The following ANO2 variants were observed in gnomAD, a reference collection of about 807,000 sequenced individuals.
ANO2 encodes anoctamin-2.
In ANO2, 101 loss-of-function variants were observed where a neutral mutation model predicts 124.2. The ratio of observed to expected loss-of-function variants is 0.81; its 90% CI spans 0.69 to 0.96. The LOEUF is 0.96. Among genes scored for constraint, ANO2 ranks in the 40% least tolerant of loss-of-function variants. The pLI is 0.00. For missense variants in ANO2, 1,293 were observed against 1,274.5 expected (o/e 1.01, Z -0.22); for synonymous variants, 486 against 482.5 (o/e 1.01, Z -0.09).
In ANO2 at chr12:5,599,648, A is replaced by G; in HGVS notation, c.2088-19T>C. The stretch of plus-strand genomic sequence containing the variant: ...TAGCTTCCTGGAAAAGAAATGGATT[A>G]AGTTACAAAAAGCCTCTGGAGAACA... On this transcript the variant is annotated intron_variant, in intron 19 of 24. Transcript: ENST00000682330. The G allele has an allele frequency of 6.2e-7, 1 of 1,612,342 alleles. No homozygotes were observed. The highest frequency in any genetic ancestry group is 8.5e-7 in the Non-Finnish European group (1 of 1,179,496).
In ANO2 at chr12:5,627,438, G is replaced by A. The variant is rs550328017; in HGVS notation, c.1816+7714C>T. On this transcript the variant is annotated intron_variant, in intron 16 of 24. Coordinates refer to ENST00000682330, the MANE Select transcript of ANO2 (RefSeq NM_001364791.2). ...GTGGCGTCCCCGCAGAGAGGCATAG[G>A]CCCCATTCCCCTCTGCAGCCCACGC... 2.6e-5 allele frequency among the ~76,000 whole-genome samples: 4 copies of A among 152,290 alleles called. No homozygotes were observed. The South Asian group carries it at 8.3e-4, about 32-fold the overall frequency.
At chr12:5,690,491 C>T (rs1948883024) in intron 14 of ANO2, among the ~76,000 whole-genome samples, 1 of 152,188 alleles carries the variant, frequency 6.6e-6, no homozygotes, top group Admixed American at 6.5e-5. Context: ...TCCTGAAAGT[C>T]AGCATCCTCA....
At chr12:5,590,589 G>A (rs958331701) in intron 20 of ANO2, among the ~76,000 whole-genome samples, 7 of 152,176 alleles carry the variant, frequency 4.6e-5, no homozygotes, top group Non-Finnish European at 1.0e-4. Flanking sequence ...GGCAGTAAGC[G>A]GGAGAAGAGC....
chr12:5,639,228 G>A (rs987989616), intron 15 of ANO2, among the ~76,000 whole-genome samples: 1 of 152,276 alleles, frequency 6.6e-6, no homozygotes, highest in South Asian at 2.1e-4. Context: ...CATGGCACAC[G>A]ATAGTAGCTC....
Position 5,577,935 on chromosome 12 carries a change from T to C in ANO2, c.2439+20A>G, listed in dbSNP as rs761254787. ...AAGCCCTTCCCACAGAGCGAGTGTG[T>C]CATGAATGCAAGTACTTACGTTGCT... On this transcript the variant is annotated intron_variant, in intron 22 of 24. Transcript: ENST00000682330. 6.2e-7 allele frequency: 1 copy of C among 1,611,344 alleles called. No individual in the cohort carries two copies. The highest frequency in any genetic ancestry group is 1.1e-5 in the South Asian group (1 of 90,818).
chr12:5,619,035 A>G (rs1944977369), intron 16 of ANO2, among the ~76,000 whole-genome samples: 1 of 152,230 alleles, frequency 6.6e-6, no homozygotes, highest in African/African-American at 2.4e-5. Context: ...GACTGCTCTT[A>G]CTGGTGCATT....
intron 4 of ANO2, among the ~76,000 whole-genome samples, chr12:5,851,147 C>G (rs934148517): frequency 1.3e-5 from 2 of 152,150 alleles, no homozygotes; most frequent in Admixed American, 1.3e-4. Flanking sequence ...TATGTTCTCA[C>G]CCTCGCCAAC....
In ANO2 at chr12:5,815,927, A is replaced by C. The variant is rs542273668; in HGVS notation, c.893-8559T>G. 2.0e-5 allele frequency among the ~76,000 whole-genome samples: 3 copies of C among 152,278 alleles called. No homozygotes were observed. The South Asian group carries it at 6.2e-4, about 32-fold the overall frequency. ...CAATAAAAACGTATTGTCTACAAAG[A>C]AAAAAGAGACATTACTAGATAAACA... On this transcript the variant is annotated intron_variant, in intron 7 of 24. Transcript: ENST00000682330.
Position 5,658,011 on chromosome 12 carries a change from G to A in ANO2, c.1546-10210C>T, listed in dbSNP as rs1434385210. Among the ~76,000 whole-genome samples, 3 of 152,104 alleles carry A rather than the reference G, an allele frequency of 2.0e-5. No individual in the cohort carries two copies. Among genetic ancestry groups the A allele is most frequent in the Non-Finnish European group, 4.4e-5 (3 of 68,030 alleles). ...TCAAGGCCAGCAATCTGTGAAATGG[G>A]ACCATAAAGTTACATTTGAGAAAAA... On this transcript the variant is annotated intron_variant, in intron 14 of 24. Coordinates refer to ENST00000682330, the MANE Select transcript of ANO2 (RefSeq NM_001364791.2). The surrounding 1 kb of genome is among the most constrained non-coding windows in gnomAD (Gnocchi z 4.3).
chr12:5,940,380 C>A (rs1942848583), intron 1 of ANO2, among the ~76,000 whole-genome samples: 1 of 152,224 alleles, frequency 6.6e-6, no homozygotes. Context: ...ATCATCAGTT[C>A]TCTAACGTAT....
At chr12:5,669,870 G>A (rs1947905832) in intron 14 of ANO2, among the ~76,000 whole-genome samples, 1 of 152,182 alleles carries the variant, frequency 6.6e-6, no homozygotes, top group South Asian at 2.1e-4. Context: ...CTTTCACTCT[G>A]ACAATCAGAG....
chr12:5,644,561 C>T (rs1172591510), intron 15 of ANO2, among the ~76,000 whole-genome samples: 1 of 152,132 alleles, frequency 6.6e-6, no homozygotes, highest in East Asian at 1.9e-4. Flanking sequence ...AGTATTGTTG[C>T]ATATATTTTA....
At chr12:5,743,748 T>C (rs1418866077) in intron 12 of ANO2, among the ~76,000 whole-genome samples, 1 of 152,170 alleles carries the variant, frequency 6.6e-6, no homozygotes, top group Non-Finnish European at 1.5e-5. Context: ...CAGCCCACCT[T>C]TCCCATGAGC....
chr12:5,926,090 G>C (rs1482008599), intron 1 of ANO2, among the ~76,000 whole-genome samples: 1 of 152,182 alleles, frequency 6.6e-6, no homozygotes, highest in Non-Finnish European at 1.5e-5. Flanking sequence ...TTCTTTTTCA[G>C]CATTTCCTGC....
At chr12:5,885,434 G>T (rs11503134) in intron 3 of ANO2, among the ~76,000 whole-genome samples, 28,997 of 152,214 alleles carry the variant, frequency 0.19, 3,065 homozygotes, top group Middle Eastern at 0.29. Context: ...AAAACCAGAT[G>T]ATAACAATAA....
chr12:5,877,334 C>CAA (rs1375094584), intron 3 of ANO2, among the ~76,000 whole-genome samples: 2 of 152,186 alleles, frequency 1.3e-5, no homozygotes, highest in African/African-American at 4.8e-5. Flanking sequence ...GATTCTCCCT[C>CAA]AGAGCCTCCA....
chr12:5,866,910 G>A (rs1452487421), intron 3 of ANO2, among the ~76,000 whole-genome samples: 1 of 152,230 alleles, frequency 6.6e-6, no homozygotes, highest in African/African-American at 2.4e-5. Context: ...TCCCAGTGGA[G>A]CTCAAATTAG....
In ANO2 at chr12:5,872,342, C is replaced by T. The variant is rs536289854; in HGVS notation, c.535-18201G>A. Among the ~76,000 whole-genome samples, 31 of 152,260 alleles carry T rather than the reference C, an allele frequency of 2.0e-4. 2 individuals are homozygous for T. Among genetic ancestry groups the T allele is most frequent in the Middle Eastern group, 6.8e-3 (2 of 294 alleles). On this transcript the variant is annotated intron_variant, in intron 3 of 24. Transcript: ENST00000682330. ...GGGATGGCCCCAAGGAGCTCATAGT[C>T]TAACCCAGGGTCCCTCACTCAGGGA... is the stretch of plus-strand genomic sequence containing the variant.
At chr12:5,824,339 C>T (rs899838729) in intron 7 of ANO2, among the ~76,000 whole-genome samples, 1 of 152,194 alleles carries the variant, frequency 6.6e-6, no homozygotes, top group Non-Finnish European at 1.5e-5. Flanking sequence ...ACCCAAGTCG[C>T]CTCTTGAATG....
Sources: gnomAD v4.1 joint callset for allele counts (sites outside exome capture counted in the v4.1 genomes callset) on GRCh38, gnomAD v4.1.1 for gene constraint, Gnocchi (gnomAD v3.1) non-coding constraint, MANE v1.5 for transcripts, NCBI Gene and HGNC (gene_info 2026-07-23, HGNC 2026-07-21) for gene names.